Variants in LRP1B observed in about 807,000 individuals in gnomAD.
The protein encoded by LRP1B is LDL receptor related protein 1B.
LRP1B carries 217 observed loss-of-function variants against 556.6 expected under a neutral mutation model. The observed-to-expected ratio is 0.39, with a 90% CI of 0.35 to 0.44. The LOEUF is 0.44. LRP1B is among the 20% of genes least tolerant of loss of function. LRP1B has a pLI of 1.00. For missense variants in LRP1B, 5,053 were observed against 5,620.8 expected, an observed-to-expected ratio of 0.90 and a Z score of 3.23; for synonymous variants, 2,047 against 1,865.8, an observed-to-expected ratio of 1.10 and a Z score of -2.50.
intron 7 of LRP1B, chr2:141,167,506 C>A (rs1249455): frequency 0.35 from 53,023 of 151,186 alleles, 9,690 homozygotes; most frequent in East Asian, 0.67. Context: ...TCTTTCCAGG[C>A]GTGGTATTAA....
At chr2:141,836,760 A>G (rs958070797) in intron 1 of LRP1B, among the ~76,000 whole-genome samples, 3 of 152,034 alleles carry the variant, frequency 2.0e-5, no homozygotes, top group African/African-American at 7.2e-5. Flanking sequence ...TCTTGTTAGA[A>G]AAATATCTAA....
intron 2 of LRP1B, 61 bp from the exon 3 acceptor site, chr2:141,480,594 A>G (rs1322718036): frequency 6.6e-7 from 1 of 1,518,960 alleles, no homozygotes; most frequent in Admixed American, 1.7e-5. Context: ...TAAAACTGTT[A>G]AGCACAAGAA....
intron 7 of LRP1B, among the ~76,000 whole-genome samples, chr2:141,142,089 CAA>C (rs11346752): frequency 2.2e-4 from 33 of 150,366 alleles, no homozygotes; most frequent in Admixed American, 4.0e-4. Flanking sequence ...TCTGGTATAA[CAA>C]AAAAAAAAAT....
rs1682031072 is a variant in LRP1B at position 141,463,622 on chromosome 2, TTATATATTA to T, written c.343+16765_343+16773del. ...ATTATATATTATATATAATTATGTATTATATATTATTATATATTATATATTATATATAAT... is the reference window on the plus strand; with the variant it reads ...ATTATATATTATATATAATTATGTATTTATATATTATATATTATATATAAT... On this transcript the variant is annotated intron_variant, in intron 3 of 90. Coordinates refer to ENST00000389484, the MANE Select transcript of LRP1B (RefSeq NM_018557.3). Among the ~76,000 whole-genome samples, 3 of 111,192 alleles carry T rather than the reference TTATATATTA, an allele frequency of 2.7e-5. 1 individual carries two copies. The highest frequency in any genetic ancestry group is 1.2e-4 in the African/African-American group (3 of 25,124). The allele number at this position is 111,192 out of a possible 152,430, so 72.9% of individuals were successfully genotyped here.
intron 66 of LRP1B, among the ~76,000 whole-genome samples, chr2:140,418,620 C>G (rs930709012): frequency 6.6e-6 from 1 of 151,814 alleles, no homozygotes; most frequent in South Asian, 2.1e-4. Context: ...AATGAGACTA[C>G]AGAGTACACT....
At chr2:141,032,609 A>C (rs907653757) in intron 11 of LRP1B, among the ~76,000 whole-genome samples, 1 of 151,778 alleles carries the variant, frequency 6.6e-6, no homozygotes, top group Non-Finnish European at 1.5e-5. Context: ...TATTCAGAAA[A>C]TTTGTATTTC....
At chr2:141,031,590 G>A (rs1386768962) in intron 11 of LRP1B, among the ~76,000 whole-genome samples, 1 of 151,882 alleles carries the variant, frequency 6.6e-6, no homozygotes, top group East Asian at 1.9e-4. Context: ...ACAAAAAATA[G>A]TTCTGAAGCT....
chr2:141,020,044 G>A lies in LRP1B; in HGVS notation c.1848C>T (p.Thr616=), dbSNP rs1463736075. ...TAATGGTTTTCCTATGGCCATCATTGGTCCAGTAAAGATTATTTCCAATCC... is the reference window on the plus strand; with the variant it reads ...TAATGGTTTTCCTATGGCCATCATTAGTCCAGTAAAGATTATTTCCAATCC... The part of the protein sequence containing the change: ...VDWIGNNLYW[T]NDGHRKTINV... Residue 616 remains threonine, a synonymous_variant, in exon 12 of 91, where the codon ACC becomes ACT. Coordinates refer to ENST00000389484, the MANE Select transcript of LRP1B (RefSeq NM_018557.3). 1.2e-6 allele frequency: 2 copies of A among 1,611,206 alleles called. No individual in the cohort carries two copies. Among genetic ancestry groups the A allele is most frequent in the Non-Finnish European group, 8.5e-7 (1 of 1,178,346 alleles).
intron 7 of LRP1B, among the ~76,000 whole-genome samples, chr2:141,100,896 T>C (rs905742549): frequency 6.6e-6 from 1 of 151,934 alleles, no homozygotes; most frequent in Non-Finnish European, 1.5e-5. Context: ...GAACCCCCCA[T>C]CTAAAATCCC....
At chr2:140,899,876 G>A (rs1694054062) in intron 23 of LRP1B, among the ~76,000 whole-genome samples, 1 of 152,044 alleles carries the variant, frequency 6.6e-6, no homozygotes, top group South Asian at 2.1e-4. Flanking sequence ...AGATTTGTTA[G>A]AAATAATGTC....
intron 41 of LRP1B, among the ~76,000 whole-genome samples, chr2:140,664,615 A>G (rs1239289647): frequency 6.6e-6 from 1 of 152,182 alleles, no homozygotes. Flanking sequence ...TTAGACTCTT[A>G]TCAAAATAAA....
chr2:141,796,807 A>G (rs1695827974), intron 2 of LRP1B, among the ~76,000 whole-genome samples: 1 of 151,804 alleles, frequency 6.6e-6, no homozygotes, highest in South Asian at 2.1e-4. Flanking sequence ...CATAACAACC[A>G]TCTTTGGGAG....
intron 3 of LRP1B, among the ~76,000 whole-genome samples, chr2:141,256,373 A>T (rs1268751567): frequency 1.4e-5 from 2 of 144,858 alleles, no homozygotes; most frequent in Non-Finnish European, 3.0e-5. Context: ...TGATGTAGTT[A>T]AAAAAAAAAA....
intron 43 of LRP1B, among the ~76,000 whole-genome samples, chr2:140,542,866 C>T (rs1558956244): frequency 6.6e-6 from 1 of 152,126 alleles, no homozygotes; most frequent in Non-Finnish European, 1.5e-5. Context: ...AGTGCGTGCA[C>T]ATGTGTGCGA....
chr2:141,317,958 A>C (rs749763220), intron 3 of LRP1B, among the ~76,000 whole-genome samples: 2 of 152,170 alleles, frequency 1.3e-5, no homozygotes, highest in African/African-American at 2.4e-5. Flanking sequence ...ACTGCTAAAA[A>C]TTAACATTTT....
intron 3 of LRP1B, among the ~76,000 whole-genome samples, chr2:141,333,945 C>T (rs764756009): frequency 2.6e-5 from 4 of 152,056 alleles, no homozygotes; most frequent in African/African-American, 4.8e-5. Context: ...TCCTGATCTC[C>T]TTTTTAAAAC....
chr2:141,526,408 T>G (rs2105183438), intron 2 of LRP1B, among the ~76,000 whole-genome samples: 1 of 152,164 alleles, frequency 6.6e-6, no homozygotes, highest in African/African-American at 2.4e-5. Context: ...ATTTGGAAAC[T>G]TTTTCAAATT....
chr2:140,748,792 T>TCA (rs1559094686), intron 35 of LRP1B, among the ~76,000 whole-genome samples: 1 of 48,642 alleles, frequency 2.1e-5, no homozygotes, highest in African/African-American at 6.7e-5. Flanking sequence ...ATAATATATA[T>TCA]TATATACATA....
At chr2:141,706,412 C>T (rs1225447000) in intron 2 of LRP1B, among the ~76,000 whole-genome samples, 1 of 151,986 alleles carries the variant, frequency 6.6e-6, no homozygotes, top group Admixed American at 6.6e-5. Flanking sequence ...TGTAGGAAAT[C>T]CTCAGTAAAC....
Sources: allele counts gnomAD v4.1 joint callset (sites outside exome capture counted in the v4.1 genomes callset), GRCh38; gene constraint gnomAD v4.1.1; transcripts MANE v1.5; gene names NCBI Gene and HGNC (gene_info 2026-07-23, HGNC 2026-07-21).